TLN2: variants seen among roughly 807,000 people sequenced by gnomAD.
TLN2 encodes talin 2, also known as talin-2.
In TLN2, 118 loss-of-function variants were observed where a neutral mutation model predicts 294.7. The observed-to-expected ratio is 0.40, with a 90% CI of 0.34 to 0.47. TLN2 has a LOEUF of 0.47. TLN2 is among the 20% of genes least tolerant of loss of function. TLN2 has a pLI of 0.84. For synonymous variants in TLN2, 1,431 were observed against 1,304.5 expected (o/e 1.10, Z -2.09); for missense variants, 3,083 against 3,282.2 (o/e 0.94, Z 1.48).
At chr15:62,679,762 T>A (rs2056629983) in intron 11 of TLN2, among the ~76,000 whole-genome samples, 1 of 152,228 alleles carries the variant, frequency 6.6e-6, no homozygotes, top group Non-Finnish European at 1.5e-5. Flanking sequence ...CTAACAATGG[T>A]ACAGTAACAC....
intron 1 of TLN2, among the ~76,000 whole-genome samples, chr15:62,519,296 C>G (rs375366885): frequency 1.2e-4 from 19 of 152,244 alleles, no homozygotes; most frequent in East Asian, 9.7e-4. Flanking sequence ...AGTTAAGTAC[C>G]TCTCACTTAC....
intron 50 of TLN2, among the ~76,000 whole-genome samples, chr15:62,802,314 T>C (rs930778521): frequency 6.6e-6 from 1 of 152,048 alleles, no homozygotes; most frequent in African/African-American, 2.4e-5. Flanking sequence ...TTCCTATGGC[T>C]GAATAGTACT....
At chr15:62,613,004 G>A (rs1439246646) in intron 2 of TLN2, among the ~76,000 whole-genome samples, 1 of 152,166 alleles carries the variant, frequency 6.6e-6, no homozygotes, top group Non-Finnish European at 1.5e-5. Context: ...CTGGTAGCAG[G>A]GGATACAGGA....
chr15:62,507,209 ACTT>A (rs759227800), intron 1 of TLN2, among the ~76,000 whole-genome samples: 28 of 152,310 alleles, frequency 1.8e-4, no homozygotes, highest in Non-Finnish European at 3.2e-4. Flanking sequence ...TGTTCTTTTT[ACTT>A]CTTAGGTGTT....
At chr15:62,435,004 A>T (rs1273197554) in intron 1 of TLN2, among the ~76,000 whole-genome samples, 1 of 152,214 alleles carries the variant, frequency 6.6e-6, no homozygotes. Flanking sequence ...TATCAGTGAG[A>T]ACATGCAGTG....
chr15:62,824,091 C>T (rs984036413), intron 54 of TLN2: 5 of 436,040 alleles, frequency 1.1e-5, no homozygotes, highest in African/African-American at 2.1e-5. Context: ...GGAAAGAACA[C>T]GTTAAAATCA....
intron 1 of TLN2, among the ~76,000 whole-genome samples, chr15:62,457,916 A>G (rs1187081854): frequency 6.6e-6 from 1 of 152,132 alleles, no homozygotes; most frequent in East Asian, 1.9e-4. Context: ...GCTTGTCGTG[A>G]CTTATTTACC....
At chr15:62,592,406 G>C (rs1266821914) in intron 2 of TLN2, among the ~76,000 whole-genome samples, 1 of 152,160 alleles carries the variant, frequency 6.6e-6, no homozygotes, top group South Asian at 2.1e-4. Flanking sequence ...TCGGTTTGCT[G>C]CCTAATTGGT....
In TLN2 at chr15:62,737,006, G is replaced by T. The variant is rs780513386; in HGVS notation, c.3487G>T (p.Gly1163Cys). Reference sequence around the variant, plus strand: ...AGATTCTGCTCGAGACGTGATGGAGGGCTCCGCCATGCTCATTCAAGAGGC... The same window carrying T: ...AGATTCTGCTCGAGACGTGATGGAGTGCTCCGCCATGCTCATTCAAGAGGC... ...MLDSARDVME[G>C]SAMLIQEAKQ... Residue 1163 changes from glycine (G) to cysteine (C), a missense_variant, in exon 29 of 59, where the codon GGC becomes TGC. Physicochemically the swap from Gly to Cys is radical, Grantham distance 159. Coordinates refer to ENST00000636159, the MANE Select transcript of TLN2 (RefSeq NM_015059.3). 14 of 1,614,090 alleles carry T rather than the reference G, an allele frequency of 8.7e-6. No individual in the cohort carries two copies. In the African/African-American group the frequency reaches 1.9e-4, roughly 22 times the overall value.
chr15:62,562,998 A>G (rs1053371302), intron 1 of TLN2, among the ~76,000 whole-genome samples: 2 of 148,308 alleles, frequency 1.3e-5, no homozygotes, highest in Admixed American at 6.8e-5. Context: ...TCGTTGATTG[A>G]TGGGCATTTG....
chr15:62,814,308 A>T (rs999067730), intron 52 of TLN2, among the ~76,000 whole-genome samples: 3 of 152,236 alleles, frequency 2.0e-5, no homozygotes, highest in African/African-American at 7.2e-5. Context: ...TGATTCATTA[A>T]GTCATTGTTT....
At chr15:62,539,428 G>T (rs2041545936) in intron 1 of TLN2, among the ~76,000 whole-genome samples, 1 of 152,168 alleles carries the variant, frequency 6.6e-6, no homozygotes, top group African/African-American at 2.4e-5. Context: ...GAAAAGGACA[G>T]CATATATGAT....
At chr15:62,623,188 C>A (rs1052670093) in intron 3 of TLN2, among the ~76,000 whole-genome samples, 1 of 152,160 alleles carries the variant, frequency 6.6e-6, no homozygotes, top group Non-Finnish European at 1.5e-5. Context: ...TTACTGTATC[C>A]GTATAAACAA....
chr15:62,727,738 A>C (rs1322468230), intron 28 of TLN2, among the ~76,000 whole-genome samples: 1 of 152,230 alleles, frequency 6.6e-6, no homozygotes, highest in Non-Finnish European at 1.5e-5. Flanking sequence ...AACTCTAAGA[A>C]AAGCAGAAAA....
chr15:62,525,065 T>C (rs1488696016), intron 1 of TLN2, among the ~76,000 whole-genome samples: 2 of 152,188 alleles, frequency 1.3e-5, no homozygotes, highest in Non-Finnish European at 2.9e-5. Context: ...CAACCTCCTT[T>C]TGTGAACACT....
intron 32 of TLN2, among the ~76,000 whole-genome samples, chr15:62,741,680 C>A (rs1417936994): frequency 6.7e-6 from 1 of 148,820 alleles, no homozygotes. Context: ...TGTGCAGATT[C>A]GTGATTTTTG....
chr15:62,424,237 G>T (rs1317425047), intron 1 of TLN2, among the ~76,000 whole-genome samples: 1 of 152,198 alleles, frequency 6.6e-6, no homozygotes, highest in Non-Finnish European at 1.5e-5. Context: ...TGGGGTGGTT[G>T]TGGGGAGCCC....
At chr15:62,484,486 C>T (rs1298109114) in intron 1 of TLN2, among the ~76,000 whole-genome samples, 2 of 151,792 alleles carry the variant, frequency 1.3e-5, no homozygotes, top group Admixed American at 6.6e-5. Context: ...AGTGCAGTGG[C>T]GCGATCTCGG....
chr15:62,710,610 T>G (rs1178757813), intron 21 of TLN2, among the ~76,000 whole-genome samples: 1 of 151,966 alleles, frequency 6.6e-6, no homozygotes, highest in African/African-American at 2.4e-5. Flanking sequence ...ACATCTTCCC[T>G]AAAGGATAGC....
Sources: allele counts gnomAD v4.1 joint callset (sites outside exome capture counted in the v4.1 genomes callset), GRCh38; gene constraint gnomAD v4.1.1; transcripts MANE v1.5; gene names NCBI Gene and HGNC (gene_info 2026-07-23, HGNC 2026-07-21).